Variants in LYSMD1 observed in about 807,000 individuals in gnomAD.
The protein encoded by LYSMD1 is LysM domain containing 1, also known as lysM and putative peptidoglycan-binding domain-containing protein 1.
A neutral mutation model predicts 19.3 loss-of-function variants in LYSMD1; 9 were observed. That is an observed-to-expected ratio of 0.47 (90% confidence interval 0.28 to 0.81). The LOEUF is 0.81. Among genes scored for constraint, LYSMD1 ranks in the 40% least tolerant of loss-of-function variants. The probability of loss-of-function intolerance (pLI) is 0.11; values close to 1 mark genes in which losing one functional copy is unlikely to be tolerated. For missense variants in LYSMD1, 262 were observed against 279.8 expected (o/e 0.94, Z 0.45); for synonymous variants, 111 against 111.7 (o/e 0.99, Z 0.04).
chr1:151,148,655 C>T, the LYSMD1 span, among the ~76,000 whole-genome samples: 4 of 152,100 alleles, frequency 2.6e-5, no homozygotes, highest in African/African-American at 9.7e-5. Flanking sequence ...TACATTTTAT[C>T]ATGAAGGACA....
intron 2 of LYSMD1, 90 bp downstream of exon 2, chr1:151,161,646 T>A (rs1683461166): frequency 6.6e-7 from 1 of 1,510,174 alleles, no homozygotes; most frequent in African/African-American, 1.4e-5. Flanking sequence ...CTGTTGGCAC[T>A]GTCCTTACTT....
the LYSMD1 span, among the ~76,000 whole-genome samples, chr1:151,152,190 G>A: frequency 1.3e-5 from 2 of 152,090 alleles, no homozygotes; most frequent in Non-Finnish European, 2.9e-5. Context: ...GAGGTCAGGA[G>A]ATCGAGACCA....
the LYSMD1 span, among the ~76,000 whole-genome samples, chr1:151,154,685 C>T: frequency 1.1e-4 from 17 of 152,020 alleles, no homozygotes; most frequent in East Asian, 3.3e-3. Context: ...CTCACTCTAT[C>T]ACCAGGCTGG....
At chr1:151,163,788 A>C (rs1231815401) in intron 1 of LYSMD1, among the ~76,000 whole-genome samples, 3 of 151,968 alleles carry the variant, frequency 2.0e-5, no homozygotes, top group Non-Finnish European at 4.4e-5. Flanking sequence ...TCAGCCTCCC[A>C]AAGTGCTGGG....
chr1:151,156,658 G>GA (rs1383389238), downstream of LYSMD1: 1 of 152,234 alleles, frequency 6.6e-6, no homozygotes, highest in Non-Finnish European at 1.5e-5. Context: ...CACACTAAGT[G>GA]AAGCTTCTCC....
chr1:151,158,054 G>C (rs1034316259), downstream of LYSMD1, among the ~76,000 whole-genome samples: 4 of 152,238 alleles, frequency 2.6e-5, no homozygotes, highest in African/African-American at 9.6e-5. Context: ...GCTGGGCGTG[G>C]TGGCTCACGC....
At chr1:151,152,622 C>T in the LYSMD1 span, among the ~76,000 whole-genome samples, 2 of 151,778 alleles carry the variant, frequency 1.3e-5, no homozygotes. Context: ...ATCACTTGAA[C>T]CCAGGAGGCA....
rs1255417628 is a variant in LYSMD1, at chr1:151,165,808, G to A, written c.-550C>T. ...AAGATAGGTCACACCCTCAAATTTCGGCTCCACATCTAGGTTGTTGTCCCT... is the reference window on the plus strand; with the variant it reads ...AAGATAGGTCACACCCTCAAATTTCAGCTCCACATCTAGGTTGTTGTCCCT... On this transcript the variant is annotated 5_prime_UTR_variant, in exon 1 of 3. The change creates a premature stop within an existing upstream ORF in the 5' untranslated region. Coordinates refer to ENST00000368908, the MANE Select transcript of LYSMD1 (RefSeq NM_212551.5). 18 of 1,539,438 alleles carry A rather than the reference G, an allele frequency of 1.2e-5. No individual in the cohort carries two copies. The highest frequency in any genetic ancestry group is 1.5e-5 in the Non-Finnish European group (17 of 1,135,780).
intron 2 of LYSMD1, 145 bp from the exon 3 acceptor site, chr1:151,161,165 AC>A (rs1472047407): frequency 2.6e-6 from 2 of 773,706 alleles, no homozygotes; most frequent in Non-Finnish European, 4.1e-6. Context: ...ATAAATCCTA[AC>A]CCTAATGCTC....
At position 151,159,828 on chromosome 1, in the gene LYSMD1, C is replaced by T. The variant is rs1683367100; in HGVS notation, c.*1054G>A. On this transcript the variant is annotated 3_prime_UTR_variant, in exon 3 of 3. Transcript: ENST00000368908. ...GAAGAAAGGAGGTATATAAACATTA[C>T]TTATCTCACCTCTCATCATTTCCAA... The T allele has an allele frequency of 6.0e-6, 1 of 167,576 alleles. No homozygotes were observed. The highest frequency in any genetic ancestry group is 2.1e-4 in the South Asian group (1 of 4,874). 10.4% of individuals were successfully genotyped at this position (167,576 alleles called of 1,614,324 possible). A position where few individuals can be genotyped will look rare whatever the true frequency, so the allele number is the denominator to read the frequency against.
the LYSMD1 span, among the ~76,000 whole-genome samples, chr1:151,153,979 G>C: frequency 6.6e-6 from 1 of 151,762 alleles, no homozygotes; most frequent in East Asian, 1.9e-4. Context: ...AAAAATGAGA[G>C]AGAAAATAAA....
In LYSMD1 at chr1:151,161,023, G is replaced by T. The variant is rs1393059949; in HGVS notation, c.546-3C>A. The T allele has an allele frequency of 1.2e-6, 2 of 1,613,464 alleles. No homozygotes were observed. The highest frequency in any genetic ancestry group is 3.3e-5 in the Admixed American group (2 of 59,998). ...GACCTGCATCCTCCCCAGGTACCCT[G>T]CAATTGAGGAAAGGGGGGAAAGAGT... On this transcript the variant is annotated splice_polypyrimidine_tract_variant and splice_region_variant and intron_variant, in intron 2 of 2. Coordinates refer to ENST00000368908, the MANE Select transcript of LYSMD1 (RefSeq NM_212551.5).
chr1:151,153,415 G>A, the LYSMD1 span, among the ~76,000 whole-genome samples: 2 of 152,168 alleles, frequency 1.3e-5, no homozygotes, highest in Admixed American at 1.3e-4. Flanking sequence ...AGCACTTTGG[G>A]AGGTCGAGGT....
chr1:151,165,774 G>A lies in LYSMD1; in HGVS notation c.-516C>T. 6.4e-7 allele frequency: 1 copy of A among 1,551,610 alleles called. No homozygotes were observed. Among genetic ancestry groups the A allele is most frequent in the Non-Finnish European group, 8.7e-7 (1 of 1,146,896 alleles). On this transcript the variant is annotated 5_prime_UTR_variant, in exon 1 of 3. Transcript: ENST00000368908. ...TCCACTCAGAGATCCTCAAAGGTCCGCTCCGCATAAGATAGGTCACACCCT... is the reference window on the plus strand; with the variant it reads ...TCCACTCAGAGATCCTCAAAGGTCCACTCCGCATAAGATAGGTCACACCCT...
the LYSMD1 span, among the ~76,000 whole-genome samples, chr1:151,150,586 T>G: frequency 1.3e-5 from 2 of 152,176 alleles, no homozygotes; most frequent in Non-Finnish European, 2.9e-5. Context: ...CCATTTGACC[T>G]GTTGACTCCC....
downstream of LYSMD1, among the ~76,000 whole-genome samples, chr1:151,156,133 C>G (rs587735299): frequency 7.5e-6 from 1 of 132,668 alleles, no homozygotes; most frequent in Non-Finnish European, 1.6e-5. Flanking sequence ...AAAAAGGCAA[C>G]TCAGTAGGCT....
At chr1:151,159,063 G>A, downstream of LYSMD1, 1 of 1,614,164 alleles carries the variant, frequency 6.2e-7, no homozygotes, top group Non-Finnish European at 8.5e-7. Context: ...TGCTGACCGA[G>A]TGCCGGGATG....
the LYSMD1 span, among the ~76,000 whole-genome samples, chr1:151,149,257 G>A: frequency 1.3e-5 from 2 of 150,114 alleles, no homozygotes; most frequent in East Asian, 1.9e-4. Context: ...TTAGCCGGGT[G>A]TGGTGATGGG....
chr1:151,161,143 A>C, intron 2 of LYSMD1, 123 bp from the exon 3 acceptor site: 1 of 950,492 alleles, frequency 1.1e-6, no homozygotes. Context: ...AGACAGTCTC[A>C]GTACCCTCTA....
Sources: allele counts gnomAD v4.1 joint callset (sites outside exome capture counted in the v4.1 genomes callset), GRCh38; gene constraint gnomAD v4.1.1; transcripts MANE v1.5; gene names NCBI Gene and HGNC (gene_info 2026-07-23, HGNC 2026-07-21).